The following GALNT13 variants were observed in gnomAD, a reference collection of about 807,000 sequenced individuals.
GALNT13 encodes UDP-GalNAc:polypeptide N-acetylgalactosaminyltransferase 13.
In GALNT13, 28 loss-of-function variants were observed where a neutral mutation model predicts 64.2. The observed-to-expected ratio is 0.44, with a 90% CI of 0.32 to 0.60. GALNT13 has a LOEUF of 0.60. Ranked by LOEUF, GALNT13 falls within the 20% of genes least tolerant of loss-of-function variation. The pLI is 0.05. For missense variants in GALNT13, 577 were observed against 669.8 expected, an observed-to-expected ratio of 0.86 and a Z score of 1.53; for synonymous variants, 214 against 224.6, an observed-to-expected ratio of 0.95 and a Z score of 0.42.
At chr2:153,783,702 A>G in the GALNT13 span, among the ~76,000 whole-genome samples, 15 of 152,218 alleles carry the variant, frequency 9.9e-5, no homozygotes, top group African/African-American at 3.6e-4. Context: ...AGTTTCTCCC[A>G]TACTGTTCTC....
At chr2:153,907,187 T>G (rs923142042) in intron 2 of GALNT13, among the ~76,000 whole-genome samples, 6 of 151,764 alleles carry the variant, frequency 4.0e-5, no homozygotes, top group Non-Finnish European at 7.4e-5. Context: ...TTTCTCCCAT[T>G]TTGTAGGTTG....
At chr2:154,107,068 A>G (rs1262532934) in intron 3 of GALNT13, among the ~76,000 whole-genome samples, 2 of 151,882 alleles carry the variant, frequency 1.3e-5, no homozygotes, top group African/African-American at 2.4e-5. Flanking sequence ...TTCTCTTACC[A>G]TGTGACCTTT....
intron 11 of GALNT13, among the ~76,000 whole-genome samples, chr2:154,438,137 C>T (rs565410387): frequency 2.0e-5 from 3 of 152,200 alleles, no homozygotes; most frequent in East Asian, 3.9e-4. Context: ...TTTAATAAAA[C>T]TTACACGATG....
intron 8 of GALNT13, among the ~76,000 whole-genome samples, chr2:154,261,562 C>G (rs992886473): frequency 6.6e-6 from 1 of 152,082 alleles, no homozygotes; most frequent in African/African-American, 2.4e-5. Context: ...ATATGTTGAG[C>G]ATTTATAATC....
At chr2:153,400,892 AT>A in the GALNT13 span, among the ~76,000 whole-genome samples, 3 of 151,784 alleles carry the variant, frequency 2.0e-5, no homozygotes, top group South Asian at 6.3e-4. Flanking sequence ...GGATTCATTA[AT>A]TTTTTGAAGG....
At chr2:153,127,050 A>G in the GALNT13 span, among the ~76,000 whole-genome samples, 2 of 152,190 alleles carry the variant, frequency 1.3e-5, no homozygotes, top group African/African-American at 4.8e-5. Flanking sequence ...TTAAAAGGAT[A>G]TGCAATCTAA....
chr2:153,919,385 C>G (rs1258257584), intron 2 of GALNT13, among the ~76,000 whole-genome samples: 1 of 151,766 alleles, frequency 6.6e-6, no homozygotes, highest in Non-Finnish European at 1.5e-5. Flanking sequence ...AATATACCAG[C>G]AGATTTGTGA....
At chr2:153,824,108 C>T in the GALNT13 span, among the ~76,000 whole-genome samples, 2 of 151,968 alleles carry the variant, frequency 1.3e-5, no homozygotes, top group Admixed American at 1.3e-4. Flanking sequence ...ATTAAAAAGC[C>T]ATAAACAACA....
chr2:153,082,199 T>A, the GALNT13 span, among the ~76,000 whole-genome samples: 1 of 152,092 alleles, frequency 6.6e-6, no homozygotes, highest in East Asian at 1.9e-4. Flanking sequence ...ACAGGTGGTT[T>A]TTGGTTACAT....
At chr2:153,844,735 T>G in the GALNT13 span, among the ~76,000 whole-genome samples, 37 of 152,222 alleles carry the variant, frequency 2.4e-4, no homozygotes, top group African/African-American at 8.4e-4. Context: ...CTTAAGTCAT[T>G]TCTTTCCTCT....
intron 8 of GALNT13, among the ~76,000 whole-genome samples, chr2:154,268,269 T>C (rs775661348): frequency 6.6e-6 from 1 of 152,188 alleles, no homozygotes; most frequent in Non-Finnish European, 1.5e-5. Flanking sequence ...CCTACAACTT[T>C]GGTGAATTTT....
At chr2:153,697,254 T>C in the GALNT13 span, among the ~76,000 whole-genome samples, 1 of 152,234 alleles carries the variant, frequency 6.6e-6, no homozygotes, top group South Asian at 2.1e-4. Flanking sequence ...CTATTTACAA[T>C]GCCTCCTGTG....
the GALNT13 span, among the ~76,000 whole-genome samples, chr2:153,667,320 A>G: frequency 6.6e-6 from 1 of 152,184 alleles, no homozygotes; most frequent in Non-Finnish European, 1.5e-5. Flanking sequence ...ACCATCCCTA[A>G]GACACATACT....
At position 154,110,374 on chromosome 2, in the gene GALNT13, G is replaced by C. The variant is rs1345178313; in HGVS notation, c.143-29963G>C. On this transcript the variant is annotated intron_variant, in intron 3 of 12. Transcript: ENST00000392825. ...AGAGAGAGAGAGAGAGAGAGAGAGA[G>C]AGACAGAGAGAGAGAGAGAGAGAGA... Among the ~76,000 whole-genome samples the C allele has an allele frequency of 9.8e-3, 933 of 95,444 alleles. 33 individuals are homozygous for C. The highest frequency in any genetic ancestry group is 0.048 in the East Asian group (34 of 706). 62.6% of individuals were successfully genotyped at this position (95,444 alleles called of 152,430 possible).
chr2:153,237,226 C>T, the GALNT13 span, among the ~76,000 whole-genome samples: 13 of 151,752 alleles, frequency 8.6e-5, no homozygotes, highest in African/African-American at 2.7e-4. Context: ...TACATAGTAG[C>T]TATATATATT....
chr2:153,559,622 A>G, the GALNT13 span, among the ~76,000 whole-genome samples: 1 of 152,094 alleles, frequency 6.6e-6, no homozygotes, highest in African/African-American at 2.4e-5. Context: ...TAATTCTTCA[A>G]TTGACCAGTG....
chr2:153,127,698 A>G, the GALNT13 span, among the ~76,000 whole-genome samples: 1 of 152,198 alleles, frequency 6.6e-6, no homozygotes. Flanking sequence ...CTATTTTTGC[A>G]TCATTATTTT....
chr2:153,279,111 T>C, the GALNT13 span, among the ~76,000 whole-genome samples: 1 of 152,188 alleles, frequency 6.6e-6, no homozygotes, highest in African/African-American at 2.4e-5. Context: ...TTTTTGTGTG[T>C]GTGTGGCTAT....
intron 9 of GALNT13, among the ~76,000 whole-genome samples, chr2:154,308,275 C>G (rs901442440): frequency 2.6e-5 from 4 of 152,062 alleles, no homozygotes; most frequent in Admixed American, 1.3e-4. Flanking sequence ...ACTCCCTATT[C>G]GTTAACCTTT....
Sources: gnomAD v4.1 joint callset for allele counts (sites outside exome capture counted in the v4.1 genomes callset) on GRCh38, gnomAD v4.1.1 for gene constraint, MANE v1.5 for transcripts, NCBI Gene and HGNC (gene_info 2026-07-23, HGNC 2026-07-21) for gene names.